The following MANSC4 variants were observed in gnomAD, a reference collection of about 807,000 sequenced individuals.
MANSC4 encodes the protein MANSC domain containing 4.
In MANSC4, 11 loss-of-function variants were observed where a neutral mutation model predicts 11.4. The ratio of observed to expected loss-of-function variants is 0.97; its 90% CI spans 0.61 to 1.60. The LOEUF is 1.60. Among genes scored for constraint, MANSC4 ranks in the 40% most tolerant of loss-of-function variants. The pLI is 0.00. For missense variants in MANSC4, 354 were observed against 404.6 expected, an observed-to-expected ratio of 0.88 and a Z score of 1.07; for synonymous variants, 123 against 147.1, an observed-to-expected ratio of 0.84 and a Z score of 1.19.
intron 1 of MANSC4, among the ~76,000 whole-genome samples, chr12:27,772,952 C>G (rs952037087): frequency 1.3e-5 from 2 of 152,142 alleles, no homozygotes; most frequent in Admixed American, 6.5e-5. Flanking sequence ...TTGAAGTTCT[C>G]GTATTCCTTT....
In MANSC4 at chr12:27,762,756, C is replaced by T. The variant is rs527281157; in HGVS notation, c.1005G>A (p.Met335Ile). The T allele has an allele frequency of 5.8e-6, 9 of 1,539,270 alleles. No homozygotes were observed. The South Asian group carries it at 1.1e-4, about 19-fold the overall frequency. ...GTTTTTACTATGAAGAGTTCTCCTT[C>T]ATATGGTTACGGTTTTTAATTTGCA... ...GSLQIKNRNHMKENSS is the reference protein window; with the variant it reads ...GSLQIKNRNHIKENSS Residue 335 changes from methionine to isoleucine, a missense_variant, in exon 4 of 4, where the codon ATG becomes ATA. Coordinates refer to ENST00000381273, the MANE Select transcript of MANSC4 (RefSeq NM_001146221.5).
intron 1 of MANSC4, among the ~76,000 whole-genome samples, chr12:27,776,452 G>T (rs2062120172): frequency 6.6e-6 from 1 of 151,946 alleles, no homozygotes; most frequent in African/African-American, 2.4e-5. Context: ...TACTTCAGCT[G>T]GGTGTGGTGG....
chr12:27,762,730 A>G lies in MANSC4; in HGVS notation c.*8T>C. 1 of 1,499,658 alleles carries G rather than the reference A, an allele frequency of 6.7e-7. No individual in the cohort carries two copies. The highest frequency in any genetic ancestry group is 8.9e-7 in the Non-Finnish European group (1 of 1,124,044). 92.9% of individuals were successfully genotyped at this position (1,499,658 alleles called of 1,614,324 possible). A position where few individuals can be genotyped will look rare whatever the true frequency, so the allele number is the denominator to read the frequency against. ...CCTTGAAAGCATATAATCTTGCTACAGTTTTTACTATGAAGAGTTCTCCTT... is the reference window on the plus strand; with the variant it reads ...CCTTGAAAGCATATAATCTTGCTACGGTTTTTACTATGAAGAGTTCTCCTT... On this transcript the variant is annotated 3_prime_UTR_variant, in exon 4 of 4. Transcript: ENST00000381273.
intron 1 of MANSC4, among the ~76,000 whole-genome samples, chr12:27,771,904 C>G (rs1267917576): frequency 6.6e-6 from 1 of 151,916 alleles, no homozygotes; most frequent in Non-Finnish European, 1.5e-5. Flanking sequence ...CTTGGCCAGG[C>G]ACAGTGGCTC....
At chr12:27,763,524 C>G in intron 3 of MANSC4, 128 bp from the exon 4 acceptor site, 1 of 747,358 alleles carries the variant, frequency 1.3e-6, no homozygotes, top group Non-Finnish European at 2.1e-6. Flanking sequence ...TCACGTTCTA[C>G]TACCACATAC....
At chr12:27,768,568 A>G (rs1293970953) in intron 2 of MANSC4, among the ~76,000 whole-genome samples, 1 of 152,118 alleles carries the variant, frequency 6.6e-6, no homozygotes, top group Non-Finnish European at 1.5e-5. Flanking sequence ...AAAGTGCAAC[A>G]TAGATTCTAC....
chr12:27,766,225 G>A (rs780819601), intron 3 of MANSC4, among the ~76,000 whole-genome samples: 7 of 152,048 alleles, frequency 4.6e-5, no homozygotes, highest in Admixed American at 2.6e-4. Flanking sequence ...GCGCCACCAC[G>A]CACAGCTAAT....
rs113809648 is a variant in MANSC4, at chr12:27,768,083, T to C, written c.230-1284A>G. Among the ~76,000 whole-genome samples the C allele has an allele frequency of 1.4e-3, 209 of 152,290 alleles. 1 individual carries two copies. Among genetic ancestry groups the C allele is most frequent in the African/African-American group, 4.8e-3 (201 of 41,570 alleles). The stretch of plus-strand genomic sequence containing the variant: ...TATTGGCTCATGCTGTCTTTCCTTT[T>C]CTAAGCAAATTTGCTTTTTAAAACA... On this transcript the variant is annotated intron_variant, in intron 2 of 3. Transcript: ENST00000381273.
At position 27,780,190 on chromosome 12, in the gene MANSC4, C is replaced by G; in HGVS notation, c.-307+20G>C. On this transcript the variant is annotated intron_variant, in intron 1 of 3. Transcript: ENST00000381273. The surrounding 1 kb of genome is among the most constrained non-coding windows in gnomAD (Gnocchi z 8.8). The stretch of plus-strand genomic sequence containing the variant: ...AGGAGGGGCCGCCGGAGAGGCCGGG[C>G]GAGCGCGGGCGGCCCTCACCTCGCC... 1.9e-6 allele frequency: 1 copy of G among 535,120 alleles called. No individual in the cohort carries two copies. Among genetic ancestry groups the G allele is most frequent in the Non-Finnish European group, 2.7e-6 (1 of 373,180 alleles). 33.1% of individuals were successfully genotyped at this position (535,120 alleles called of 1,614,324 possible).
chr12:27,775,319 A>G (rs1378229007), intron 1 of MANSC4, among the ~76,000 whole-genome samples: 1 of 152,244 alleles, frequency 6.6e-6, no homozygotes, highest in East Asian at 1.9e-4. Flanking sequence ...GCTCACACCT[A>G]TAATCCCAAC....
intron 1 of MANSC4, among the ~76,000 whole-genome samples, chr12:27,778,189 C>T (rs2062126538): frequency 6.8e-6 from 1 of 147,538 alleles, no homozygotes; most frequent in South Asian, 2.1e-4. Flanking sequence ...CGCAGCATTG[C>T]ACTCCAGCCT....
intron 3 of MANSC4, among the ~76,000 whole-genome samples, chr12:27,766,154 G>A (rs2062071404): frequency 6.7e-6 from 1 of 150,346 alleles, no homozygotes; most frequent in Non-Finnish European, 1.5e-5. Context: ...TGCAATCTCC[G>A]CCTCCCAGGT....
At chr12:27,771,814 C>T (rs995027141) in intron 1 of MANSC4, among the ~76,000 whole-genome samples, 3 of 152,118 alleles carry the variant, frequency 2.0e-5, no homozygotes, top group African/African-American at 7.2e-5. Context: ...TTTCTTTGAA[C>T]TTAAGTTCTG....
chr12:27,778,688 A>C (rs751116211), intron 1 of MANSC4, among the ~76,000 whole-genome samples: 1 of 152,180 alleles, frequency 6.6e-6, no homozygotes, highest in Non-Finnish European at 1.5e-5. Context: ...GATAAGAGTG[A>C]ACACACCCTC....
At chr12:27,775,024 A>AAAATAAATAAATAAAT (rs71039849) in intron 1 of MANSC4, among the ~76,000 whole-genome samples, 1 of 112,728 alleles carries the variant, frequency 8.9e-6, no homozygotes, top group South Asian at 3.0e-4. Context: ...ATTCCGTCTC[A>AAAATAAATAAATAAAT]AAATAAATAA....
At position 27,780,095 on chromosome 12, in the gene MANSC4, G is replaced by A; in HGVS notation, c.-307+115C>T. On this transcript the variant is annotated intron_variant, in intron 1 of 3. Transcript: ENST00000381273. The surrounding 1 kb of genome is among the most constrained non-coding windows in gnomAD (Gnocchi z 8.8). ...CGCGCGAGGACGCCCGCCGCGCTCCGCCGGCCCTTTTTTGGCGCTGAGGGA... is the reference window on the plus strand; with the variant it reads ...CGCGCGAGGACGCCCGCCGCGCTCCACCGGCCCTTTTTTGGCGCTGAGGGA... 5.7e-6 allele frequency: 1 copy of A among 176,960 alleles called. No homozygotes were observed. The highest frequency in any genetic ancestry group is 6.2e-5 in the Admixed American group (1 of 16,010). The allele number at this position is 176,960 out of a possible 1,614,324, so 11.0% of individuals were successfully genotyped here.
Position 27,771,191 on chromosome 12 carries a change from A to C in MANSC4, c.86T>G (p.Phe29Cys). ...GCGACGGATCCAGCAGTCTCTGTAA[A>C]AAATTGTGGGTGAGCAGAGAGAGTC... Reference protein sequence around the residue: ...TSDSLCSPTIFYRDCWIRRFP... With the variant: ...TSDSLCSPTICYRDCWIRRFP... The change falls in exon 2 of 4, where the codon TTT becomes TGT. Residue 29 changes from phenylalanine to cysteine, a missense_variant. Phe to Cys is a radical substitution (Grantham distance 205). Coordinates refer to ENST00000381273, the MANE Select transcript of MANSC4 (RefSeq NM_001146221.5). 1 of 1,552,104 alleles carries C rather than the reference A, an allele frequency of 6.4e-7. No homozygotes were observed. Among genetic ancestry groups the C allele is most frequent in the Non-Finnish European group, 8.7e-7 (1 of 1,147,088 alleles).
intron 1 of MANSC4, among the ~76,000 whole-genome samples, chr12:27,771,894 C>T (rs536047660): frequency 6.6e-6 from 1 of 151,796 alleles, no homozygotes; most frequent in South Asian, 2.1e-4. Flanking sequence ...AAAAAAAAAC[C>T]TTGGCCAGGC....
At chr12:27,779,911 G>C (rs2062136477) in intron 1 of MANSC4, 1 of 151,298 alleles carries the variant, frequency 6.6e-6, no homozygotes, top group Non-Finnish European at 1.5e-5. Context: ...CGAGGCGCCC[G>C]GGCCCGCAGC....
Sources: gnomAD v4.1 joint callset for allele counts (sites outside exome capture counted in the v4.1 genomes callset) on GRCh38, gnomAD v4.1.1 for gene constraint, Gnocchi (gnomAD v3.1) non-coding constraint, MANE v1.5 for transcripts, NCBI Gene and HGNC (gene_info 2026-07-23, HGNC 2026-07-21) for gene names.